TGFB2: variants seen among roughly 807,000 people sequenced by gnomAD.
TGFB2 encodes transforming growth factor beta 2, also known as transforming growth factor beta-2 proprotein.
TGFB2 carries 13 observed loss-of-function variants against 42.7 expected under a neutral mutation model. That is an observed-to-expected ratio of 0.30 (90% confidence interval 0.20 to 0.48). The LOEUF is 0.48. TGFB2 is among the 20% of genes least tolerant of loss of function. The pLI is 0.99. For synonymous variants in TGFB2, 193 were observed against 193.6 expected (o/e 1.00, Z 0.03); for missense variants, 390 against 517.5 (o/e 0.75, Z 2.39).
At chr1:218,403,215 G>T (rs1367864680) in intron 1 of TGFB2, among the ~76,000 whole-genome samples, 2 of 151,518 alleles carry the variant, frequency 1.3e-5, no homozygotes, top group African/African-American at 2.4e-5. Context: ...GGGTTTTTTT[G>T]TTTGTTTGTT....
chr1:218,412,382 G>A (rs539708239), intron 2 of TGFB2, among the ~76,000 whole-genome samples: 14 of 152,272 alleles, frequency 9.2e-5, no homozygotes, highest in African/African-American at 3.4e-4. Flanking sequence ...CCTGAATCAA[G>A]AGATTCCTTT....
chr1:218,352,721 T>C (rs545588595), intron 1 of TGFB2, among the ~76,000 whole-genome samples: 1 of 152,218 alleles, frequency 6.6e-6, no homozygotes, highest in African/African-American at 2.4e-5. Flanking sequence ...GTCTTGACTC[T>C]GAATGAAACT....
In TGFB2 at chr1:218,425,399, G is replaced by T. The variant is rs78027581; in HGVS notation, c.511-8683G>T. On this transcript the variant is annotated intron_variant, in intron 2 of 6. Transcript: ENST00000366930. ...ATTTTTTGTATTTTTAGTAGAGACG[G>T]GATTTCACCGTGTTAGCCAGGATGG... Among the ~76,000 whole-genome samples the T allele has an allele frequency of 4.5e-4, 68 of 152,020 alleles. No homozygotes were observed. In the East Asian group the frequency reaches 5.2e-3, roughly 12 times the overall value.
At chr1:218,376,222 T>A (rs1657737460) in intron 1 of TGFB2, among the ~76,000 whole-genome samples, 1 of 152,210 alleles carries the variant, frequency 6.6e-6, no homozygotes, top group Non-Finnish European at 1.5e-5. Flanking sequence ...TAAGGCAGAA[T>A]GACATTCTTT....
Position 218,435,979 on chromosome 1 carries a change from G to A in TGFB2, c.764G>A (p.Gly255Asp), listed in dbSNP as rs781514831. 25 of 1,603,626 alleles carry A rather than the reference G, an allele frequency of 1.6e-5. No homozygotes were observed. Among genetic ancestry groups the A allele is most frequent in the Non-Finnish European group, 2.0e-5 (24 of 1,176,708 alleles). The change falls in exon 5 of 7, where the codon GGC (glycine) becomes GAC (aspartate). Residue 255 changes from glycine to aspartate, a missense_variant. Physicochemically the swap from Gly to Asp is moderately conservative, Grantham distance 94. Transcript: ENST00000366930. ...AATGCATTTTTTCAAGGTATTGATG[G>A]CACCTCCACATATACCAGTGGTGAT... The part of the protein sequence containing the change: ...ELEARFAGID[G>D]TSTYTSGDQK...
chr1:218,381,444 C>T lies in TGFB2; in HGVS notation c.347-23725C>T, dbSNP rs150367339. On this transcript the variant is annotated intron_variant, in intron 1 of 6. Transcript: ENST00000366930. ...CTAATTTTTGTATTTTTAGTAGAGA[C>T]GGGGTTTCACCTTGTTAGCCAGGAT... is the stretch of plus-strand genomic sequence containing the variant. 6.1e-3 allele frequency among the ~76,000 whole-genome samples: 921 copies of T among 151,918 alleles called. 50 individuals carry two copies. The East Asian group carries it at 0.13, about 21-fold the overall frequency.
At chr1:218,428,093 A>C (rs1330898532) in intron 2 of TGFB2, among the ~76,000 whole-genome samples, 2 of 152,168 alleles carry the variant, frequency 1.3e-5, no homozygotes, top group Non-Finnish European at 2.9e-5. Flanking sequence ...AGTGATGATG[A>C]GCATTTTTTC....
intron 3 of TGFB2, 38 bp from the exon 4 acceptor site, chr1:218,434,300 A>T (rs1431032588): frequency 6.2e-7 from 1 of 1,612,300 alleles, no homozygotes; most frequent in African/African-American, 1.3e-5. Context: ...GGGTATAGAC[A>T]CACATACAAA....
Position 218,437,338 on chromosome 1 carries a change from A to G in TGFB2, c.933-5A>G. ...TCCATTGCTTTTTTTTTTTTTTTTT[A>G]ACAGAAATGTGCAGGATAATTGCTG... On this transcript the variant is annotated splice_polypyrimidine_tract_variant and splice_region_variant and intron_variant, in intron 5 of 6. Transcript: ENST00000366930. The G allele has an allele frequency of 1.3e-6, 2 of 1,516,462 alleles. No individual in the cohort carries two copies. The highest frequency in any genetic ancestry group is 1.8e-6 in the Non-Finnish European group (2 of 1,137,936). 93.9% of individuals were successfully genotyped at this position (1,516,462 alleles called of 1,614,324 possible).
At chr1:218,436,781 G>T (rs1415723469) in intron 5 of TGFB2, among the ~76,000 whole-genome samples, 6 of 152,210 alleles carry the variant, frequency 3.9e-5, no homozygotes, top group African/African-American at 1.4e-4. Context: ...CAGAGGCCAT[G>T]AGTAAAGTGG....
intron 1 of TGFB2, among the ~76,000 whole-genome samples, chr1:218,361,775 G>A (rs1037213393): frequency 2.0e-4 from 30 of 152,208 alleles, no homozygotes; most frequent in Non-Finnish European, 2.9e-5. Context: ...GTAGCTTCCT[G>A]TCTTTGCTGA....
rs142318426 is a variant in TGFB2, at chr1:218,424,747, G to T, written c.511-9335G>T. Among the ~76,000 whole-genome samples the T allele has an allele frequency of 8.1e-4, 124 of 152,296 alleles. 1 individual carries two copies. In the East Asian group the frequency reaches 9.6e-3, roughly 12 times the overall value. Reference sequence around the variant, plus strand: ...CAACAGTTTGTGAATAAGAACAAAGGTTTTATTTTACAAAAAAATTTCTGT... The same window carrying T: ...CAACAGTTTGTGAATAAGAACAAAGTTTTTATTTTACAAAAAAATTTCTGT... On this transcript the variant is annotated intron_variant, in intron 2 of 6. Coordinates refer to ENST00000366930, the MANE Select transcript of TGFB2 (RefSeq NM_003238.6).
chr1:218,373,070 C>T (rs1183005681), intron 1 of TGFB2, among the ~76,000 whole-genome samples: 1 of 151,936 alleles, frequency 6.6e-6, no homozygotes, highest in South Asian at 2.1e-4. Flanking sequence ...CCCAGCTACT[C>T]GGGAGGCTGA....
chr1:218,351,018 A>AGT (rs769781537), intron 1 of TGFB2, among the ~76,000 whole-genome samples: 2 of 152,230 alleles, frequency 1.3e-5, no homozygotes, highest in Non-Finnish European at 2.9e-5. Flanking sequence ...GTTTCACATG[A>AGT]GTGTTAAACA....
intron 1 of TGFB2, among the ~76,000 whole-genome samples, chr1:218,350,738 C>T (rs1656844422): frequency 6.6e-6 from 1 of 152,010 alleles, no homozygotes; most frequent in South Asian, 2.1e-4. Flanking sequence ...CAAAACTTCC[C>T]ATTTATTTAG....
chr1:218,355,028 A>G (rs147005372), intron 1 of TGFB2, among the ~76,000 whole-genome samples: 7,188 of 152,162 alleles, frequency 0.047, 567 homozygotes, highest in African/African-American at 0.16. Flanking sequence ...TCAGCCTCCC[A>G]ACTAGCTGGG....
chr1:218,430,675 G>A (rs1014555304), intron 2 of TGFB2, among the ~76,000 whole-genome samples: 34 of 152,214 alleles, frequency 2.2e-4, no homozygotes, highest in African/African-American at 7.0e-4. Flanking sequence ...AGAGGATAGT[G>A]AGGTTGTGCC....
In TGFB2 at chr1:218,346,776, C is replaced by T. The variant is rs1201221068; in HGVS notation, c.75C>T (p.Ser25=). ...TCGCGCTCAGCCTGTCTACCTGCAG[C>T]ACACTCGATATGGACCAGTTCATGC... ...VTVALSLSTC[S]TLDMDQFMRK... is the part of the protein sequence containing the mutation. Residue 25 remains serine (S), a synonymous_variant, in exon 1 of 7, where the codon AGC becomes AGT. Transcript: ENST00000366930. The surrounding 1 kb of genome is among the most constrained non-coding windows in gnomAD (Gnocchi z 4.9). 2 of 1,614,190 alleles carry T rather than the reference C, an allele frequency of 1.2e-6. No individual in the cohort carries two copies. Among genetic ancestry groups the T allele is most frequent in the East Asian group, 2.2e-5 (1 of 44,880 alleles).
At chr1:218,395,614 T>TC (rs1288494248) in intron 1 of TGFB2, among the ~76,000 whole-genome samples, 1 of 149,940 alleles carries the variant, frequency 6.7e-6, no homozygotes, top group Non-Finnish European at 1.5e-5. Flanking sequence ...TCTTTTTCTT[T>TC]TTTTTTTTTT....
Sources: allele counts gnomAD v4.1 joint callset (sites outside exome capture counted in the v4.1 genomes callset), GRCh38; gene constraint gnomAD v4.1.1; non-coding constraint Gnocchi (gnomAD v3.1); transcripts MANE v1.5; gene names NCBI Gene and HGNC (gene_info 2026-07-23, HGNC 2026-07-21).